The following ETFA variants were observed in gnomAD, a reference collection of about 807,000 sequenced individuals.
The protein encoded by ETFA is electron transfer flavoprotein subunit alpha, mitochondrial.
A neutral mutation model predicts 46.2 loss-of-function variants in ETFA; 22 were observed. That is an observed-to-expected ratio of 0.48 (90% CI 0.34 to 0.68). The LOEUF is 0.68. Ranked by LOEUF, ETFA falls within the 30% of genes least tolerant of loss-of-function variation. ETFA has a pLI of 0.01. For missense variants in ETFA, 345 were observed against 401.1 expected (o/e 0.86, Z 1.19); for synonymous variants, 131 against 139.9 (o/e 0.94, Z 0.45).
intron 10 of ETFA, among the ~76,000 whole-genome samples, chr15:76,229,292 A>G (rs1386520670): frequency 2.0e-5 from 3 of 152,232 alleles, no homozygotes; most frequent in South Asian, 2.1e-4. Flanking sequence ...AACAAGGGCT[A>G]TATCTTTTTA....
At position 76,263,347 on chromosome 15, in the gene ETFA, G is replaced by A. The variant is rs150863351; in HGVS notation, c.816+11065C>T. ...ATATTCATGGCACCCAACATGGGGCGACAAAGACCACAGTGAAGGAACGCT... is the reference window on the plus strand; with the variant it reads ...ATATTCATGGCACCCAACATGGGGCAACAAAGACCACAGTGAAGGAACGCT... On this transcript the variant is annotated intron_variant, in intron 9 of 11. Coordinates refer to ENST00000557943, the MANE Select transcript of ETFA (RefSeq NM_000126.4). Among the ~76,000 whole-genome samples the A allele has an allele frequency of 1.6e-3, 239 of 152,296 alleles. 11 individuals are homozygous for A. In the East Asian group the frequency reaches 0.039, roughly 25 times the overall value.
chr15:76,253,869 A>T (rs1261961004), intron 9 of ETFA, among the ~76,000 whole-genome samples: 1 of 152,254 alleles, frequency 6.6e-6, no homozygotes, highest in Non-Finnish European at 1.5e-5. Context: ...GAAGTAATGC[A>T]TTCAATTCTG....
intron 4 of ETFA, among the ~76,000 whole-genome samples, chr15:76,291,459 A>AGT (rs1346845980): frequency 6.6e-6 from 1 of 150,526 alleles, no homozygotes. Context: ...AAAAAAAAAA[A>AGT]AAAAAAGTAG....
At chr15:76,267,529 C>G (rs2039482270) in intron 9 of ETFA, among the ~76,000 whole-genome samples, 1 of 151,710 alleles carries the variant, frequency 6.6e-6, no homozygotes, top group Non-Finnish European at 1.5e-5. Flanking sequence ...TCAAAAAGCC[C>G]CCACTGGAGC....
chr15:76,235,448 T>G (rs1018982059), intron 9 of ETFA, among the ~76,000 whole-genome samples: 2 of 152,214 alleles, frequency 1.3e-5, no homozygotes, highest in African/African-American at 4.8e-5. Flanking sequence ...ACTTTATAAT[T>G]TGTACAAAAG....
chr15:76,298,165 G>C (rs532773899), intron 1 of ETFA, among the ~76,000 whole-genome samples: 3 of 151,840 alleles, frequency 2.0e-5, no homozygotes, highest in South Asian at 2.1e-4. Flanking sequence ...GCCTCAGCCT[G>C]CCAGGTAGCT....
intron 8 of ETFA, among the ~76,000 whole-genome samples, chr15:76,282,792 T>C (rs866654893): frequency 5.3e-5 from 8 of 152,314 alleles, no homozygotes; most frequent in Middle Eastern, 6.8e-3. Flanking sequence ...ATTGTAGTGA[T>C]TGTGTAATTC....
intron 9 of ETFA, among the ~76,000 whole-genome samples, chr15:76,248,232 C>A (rs368226443): frequency 5.3e-5 from 8 of 152,064 alleles, no homozygotes; most frequent in Non-Finnish European, 1.5e-5. Context: ...CAGAAATAGA[C>A]CCCTGCATAC....
chr15:76,252,113 C>A (rs755364708), intron 9 of ETFA, among the ~76,000 whole-genome samples: 1 of 152,184 alleles, frequency 6.6e-6, no homozygotes, highest in Non-Finnish European at 1.5e-5. Context: ...ACCAAATTTG[C>A]AGCCCACATC....
rs568936823 is a variant in ETFA, at chr15:76,303,230, C to T, written c.40-7493G>A. On this transcript the variant is annotated intron_variant, in intron 1 of 11. Coordinates refer to ENST00000557943, the MANE Select transcript of ETFA (RefSeq NM_000126.4). ...GGCTGCGGCAGGAGAATTGCTTGAA[C>T]CCAGGAGGCGGAGGTTGCAGTGAGC... Among the ~76,000 whole-genome samples, 8 of 152,254 alleles carry T rather than the reference C, an allele frequency of 5.3e-5. No homozygotes were observed. The South Asian group carries it at 1.7e-3, about 32-fold the overall frequency.
intron 9 of ETFA, among the ~76,000 whole-genome samples, chr15:76,255,786 C>A (rs1367022170): frequency 6.6e-6 from 1 of 152,158 alleles, no homozygotes; most frequent in East Asian, 1.9e-4. Context: ...TCTGGAAAAA[C>A]CAAATTGACA....
chr15:76,295,933 A>ATTTTTTTTTTTTT (rs1555459250), intron 1 of ETFA, among the ~76,000 whole-genome samples, 196 bp from the exon 2 acceptor site: 3 of 58,512 alleles, frequency 5.1e-5, no homozygotes, highest in Non-Finnish European at 1.2e-4. Context: ...TACCACTAAT[A>ATTTTTTTTTTTTT]TTCTTTTTTT....
intron 9 of ETFA, among the ~76,000 whole-genome samples, chr15:76,247,758 A>G (rs1042149304): frequency 6.6e-6 from 1 of 152,242 alleles, no homozygotes; most frequent in Admixed American, 6.5e-5. Flanking sequence ...ATTCTGTCCA[A>G]AAACATACCA....
chr15:76,251,165 T>C (rs976932373), intron 9 of ETFA, among the ~76,000 whole-genome samples: 1 of 152,034 alleles, frequency 6.6e-6, no homozygotes, highest in East Asian at 1.9e-4. Flanking sequence ...TTTAAGACTA[T>C]AGAAAAGGGG....
chr15:76,293,732 A>G (rs2039791146), intron 2 of ETFA, among the ~76,000 whole-genome samples: 1 of 152,262 alleles, frequency 6.6e-6, no homozygotes, highest in South Asian at 2.1e-4. Context: ...TGCCACCCTC[A>G]TATGAACTGT....
intron 9 of ETFA, among the ~76,000 whole-genome samples, chr15:76,239,560 T>C (rs904250659): frequency 6.6e-5 from 10 of 152,218 alleles, no homozygotes; most frequent in South Asian, 2.1e-4. Flanking sequence ...TCCCAGCCCC[T>C]GGAAGCCACC....
chr15:76,263,840 TAAAGA>T (rs2039444382), intron 9 of ETFA, among the ~76,000 whole-genome samples: 1 of 151,962 alleles, frequency 6.6e-6, no homozygotes. Context: ...CGGAGGAGAT[TAAAGA>T]AAAGAAAGGA....
At chr15:76,227,730 G>A (rs1385521408) in intron 10 of ETFA, 5 of 441,244 alleles carry the variant, frequency 1.1e-5, no homozygotes, top group Non-Finnish European at 2.3e-5. Flanking sequence ...TGTATGTTGT[G>A]AAAACAGCTG....
intron 8 of ETFA, among the ~76,000 whole-genome samples, chr15:76,279,466 G>A (rs563959416): frequency 2.0e-5 from 3 of 151,986 alleles, no homozygotes; most frequent in African/African-American, 4.8e-5. Context: ...TTGTAGAGAC[G>A]GGGTTTTGCC....
Sources: gnomAD v4.1 joint callset for allele counts (sites outside exome capture counted in the v4.1 genomes callset) on GRCh38, gnomAD v4.1.1 for gene constraint, MANE v1.5 for transcripts, NCBI Gene and HGNC (gene_info 2026-07-23, HGNC 2026-07-21) for gene names.